The following DSCAML1 variants were observed in gnomAD, a reference collection of about 807,000 sequenced individuals.
DSCAML1 encodes the protein cell adhesion molecule DSCAML1.
Under a neutral mutation model 200.5 loss-of-function variants are expected in DSCAML1, and 38 were observed. The ratio of observed to expected loss-of-function variants is 0.19; its 90% CI spans 0.15 to 0.25. The LOEUF (loss-of-function observed/expected upper bound fraction) is 0.25. Ranked by LOEUF, DSCAML1 falls within the 10% of genes least tolerant of loss-of-function variation. The probability of loss-of-function intolerance (pLI) is 1.00; values close to 1 mark genes in which losing one functional copy is unlikely to be tolerated. For missense variants in DSCAML1, 2,223 were observed against 2,858.8 expected, an observed-to-expected ratio of 0.78 and a Z score of 5.07; for synonymous variants, 1,215 against 1,165.0, an observed-to-expected ratio of 1.04 and a Z score of -0.87.
chr11:117,704,027 T>A (rs760759061), intron 3 of DSCAML1, among the ~76,000 whole-genome samples: 2 of 151,088 alleles, frequency 1.3e-5, no homozygotes, highest in Non-Finnish European at 2.9e-5. Flanking sequence ...GGATCACCCA[T>A]GAGACTCTAA....
At position 117,524,930 on chromosome 11, in the gene DSCAML1, C is replaced by A; in HGVS notation, c.812G>T (p.Arg271Leu). The A allele has an allele frequency of 6.2e-7, 1 of 1,613,566 alleles. No individual in the cohort carries two copies. Among genetic ancestry groups the A allele is most frequent in the Non-Finnish European group, 8.5e-7 (1 of 1,179,868 alleles). Residue 271 changes from arginine to leucine, a missense_variant, in exon 5 of 33, where the codon CGC (arginine) becomes CTC (leucine). By Grantham distance (102) the Arg-to-Leu change is moderately radical. Coordinates refer to ENST00000651296, the MANE Select transcript of DSCAML1 (RefSeq NM_020693.4). ...CAGCCCTGTGATGCGCTTGGTCCAG[C>A]GGCTGTCAGCCGGGAGGGGCCGGCC... is the stretch of plus-strand genomic sequence containing the variant. Reference protein sequence around the residue: ...KDGRPLPADSRWTKRITGLTI... With the variant: ...KDGRPLPADSLWTKRITGLTI...
At chr11:117,646,516 G>A (rs776919309) in intron 3 of DSCAML1, among the ~76,000 whole-genome samples, 1 of 152,066 alleles carries the variant, frequency 6.6e-6, no homozygotes, top group Non-Finnish European at 1.5e-5. Flanking sequence ...TCCTGATACT[G>A]TCAGCTGTTT....
At chr11:117,546,647 G>C (rs145842833) in intron 3 of DSCAML1, among the ~76,000 whole-genome samples, 3 of 152,080 alleles carry the variant, frequency 2.0e-5, no homozygotes, top group Non-Finnish European at 1.5e-5. Flanking sequence ...ATCTAGAAGG[G>C]TCCCTCACTG....
chr11:117,801,568 G>A (rs1298376119), upstream of DSCAML1: 2 of 152,304 alleles, frequency 1.3e-5, no homozygotes, highest in East Asian at 1.9e-4. Flanking sequence ...ACAATTCATA[G>A]ACTGTGATGC....
chr11:117,814,029 C>T (rs2134091792), intron 1 of DSCAML1, among the ~76,000 whole-genome samples: 1 of 152,280 alleles, frequency 6.6e-6, no homozygotes, highest in African/African-American at 2.4e-5. Context: ...TGATGACATT[C>T]CACCATTGTG....
Position 117,795,214 on chromosome 11 carries a change from T to C in DSCAML1, c.46+1820A>G, listed in dbSNP as rs369942103. Among the ~76,000 whole-genome samples, 62 of 152,220 alleles carry C rather than the reference T, an allele frequency of 4.1e-4. 2 individuals are homozygous for C. The East Asian group carries it at 7.5e-3, about 18-fold the overall frequency. ...TCCTGGAAGATGTCTCCAGAGAGTG[T>C]TGTGGAGGCATGGGGGAGTTGGGGA... is the stretch of plus-strand genomic sequence containing the variant. On this transcript the variant is annotated intron_variant, in intron 1 of 32. Transcript: ENST00000651296.
intron 3 of DSCAML1, among the ~76,000 whole-genome samples, chr11:117,544,607 G>A (rs1353982940): frequency 1.3e-5 from 2 of 152,112 alleles, no homozygotes; most frequent in East Asian, 1.9e-4. Flanking sequence ...AAAAAACCAA[G>A]GGAAGCCAGG....
At chr11:117,550,451 GGCCTGAAAGCCCAGTGTC>G (rs1228570610) in intron 3 of DSCAML1, among the ~76,000 whole-genome samples, 1 of 152,124 alleles carries the variant, frequency 6.6e-6, no homozygotes, top group Non-Finnish European at 1.5e-5. Context: ...CCCAGTGTCT[GGCCTGAAAGCCCAGTGTC>G]TGTTTATTGA....
At chr11:117,496,973 G>C (rs188345965) in intron 11 of DSCAML1, among the ~76,000 whole-genome samples, 1 of 152,298 alleles carries the variant, frequency 6.6e-6, no homozygotes, top group Non-Finnish European at 1.5e-5. Context: ...GTTGGCATTG[G>C]GAGGTCAGTA....
upstream of DSCAML1, among the ~76,000 whole-genome samples, chr11:117,800,094 C>A (rs966169422): frequency 2.6e-5 from 4 of 152,194 alleles, no homozygotes; most frequent in Non-Finnish European, 5.9e-5. Flanking sequence ...GCAGGTCAGG[C>A]CTCATGCTTT....
intron 3 of DSCAML1, among the ~76,000 whole-genome samples, chr11:117,709,190 A>G (rs114862889): frequency 0.013 from 2,002 of 152,350 alleles, 36 homozygotes; most frequent in African/African-American, 0.045. Context: ...CTATCATGAA[A>G]CAAGTGTGCA....
intron 4 of DSCAML1, among the ~76,000 whole-genome samples, chr11:117,525,845 G>A (rs183775422): frequency 6.6e-6 from 1 of 152,286 alleles, no homozygotes; most frequent in Non-Finnish European, 1.5e-5. Flanking sequence ...ATCTCTCTAG[G>A]CCTACTGGGA....
In DSCAML1 at chr11:117,489,596, C is replaced by G. The variant is rs1477476372; in HGVS notation, c.2360-7434G>C. Among the ~76,000 whole-genome samples the G allele has an allele frequency of 6.6e-6, 1 of 152,118 alleles. No individual in the cohort carries two copies. The highest frequency in any genetic ancestry group is 2.4e-5 in the African/African-American group (1 of 41,406). On this transcript the variant is annotated intron_variant, in intron 11 of 32. Transcript: ENST00000651296. The surrounding 1 kb of genome is among the most constrained non-coding windows in gnomAD (Gnocchi z 4.8). ...TGGGGTAGGGTCTTCTCTCTGAGAC[C>G]CTGGGGGAGTGAAGACCCTGGTGTG... is the stretch of plus-strand genomic sequence containing the variant.
chr11:117,773,050 G>A (rs1404507834), intron 3 of DSCAML1, among the ~76,000 whole-genome samples: 1 of 152,258 alleles, frequency 6.6e-6, no homozygotes, highest in Non-Finnish European at 1.5e-5. Flanking sequence ...GCTGGTGAGA[G>A]TTTCCTTGGC....
In DSCAML1 at chr11:117,495,243, G is replaced by C. The variant is rs1018419408; in HGVS notation, c.2359+8602C>G. Among the ~76,000 whole-genome samples, 5 of 152,160 alleles carry C rather than the reference G, an allele frequency of 3.3e-5. 1 individual carries two copies. The highest frequency in any genetic ancestry group is 3.3e-4 in the Admixed American group (5 of 15,274). ...CAAAGGCCCCAGCTGGCGGTAGGCA[G>C]GCAGGTGCAGGAGTGTGCAAAGACC... On this transcript the variant is annotated intron_variant, in intron 11 of 32. Transcript: ENST00000651296.
chr11:117,788,205 C>A (rs1008684820), intron 1 of DSCAML1, among the ~76,000 whole-genome samples: 11 of 152,204 alleles, frequency 7.2e-5, no homozygotes, highest in Non-Finnish European at 1.5e-4. Context: ...AAGTCCCATG[C>A]TCTCTGCCTG....
chr11:117,739,906 C>T (rs930638398), intron 3 of DSCAML1, among the ~76,000 whole-genome samples: 3 of 152,218 alleles, frequency 2.0e-5, no homozygotes, highest in Admixed American at 1.3e-4. Context: ...TCAGCTGCAG[C>T]CCCTTTGACA....
At chr11:117,531,851 A>T (rs1470781147) in intron 4 of DSCAML1, among the ~76,000 whole-genome samples, 2 of 150,370 alleles carry the variant, frequency 1.3e-5, no homozygotes, top group Non-Finnish European at 3.0e-5. Context: ...ATGCCATTGC[A>T]CTCCAGCCTG....
intron 11 of DSCAML1, among the ~76,000 whole-genome samples, chr11:117,486,355 G>T (rs146155482): frequency 6.6e-6 from 1 of 151,132 alleles, no homozygotes; most frequent in Non-Finnish European, 1.5e-5. Flanking sequence ...TGATAATGGC[G>T]GATGTGAAAG....
Sources: allele counts gnomAD v4.1 joint callset (sites outside exome capture counted in the v4.1 genomes callset), GRCh38; gene constraint gnomAD v4.1.1; non-coding constraint Gnocchi (gnomAD v3.1); transcripts MANE v1.5; gene names NCBI Gene and HGNC (gene_info 2026-07-23, HGNC 2026-07-21).